PFKFB4: variants seen among roughly 807,000 people sequenced by gnomAD.
PFKFB4 encodes the protein 6-phosphofructo-2-kinase/fructose-2,6-bisphosphatase 4.
In PFKFB4, 42 loss-of-function variants were observed where a neutral mutation model predicts 62.8. The ratio of observed to expected loss-of-function variants is 0.67; its 90% confidence interval spans 0.52 to 0.86. PFKFB4 has a LOEUF of 0.86. Among genes scored for constraint, PFKFB4 ranks in the 40% least tolerant of loss-of-function variants. The probability of loss-of-function intolerance (pLI) is 0.00; values close to 1 mark genes in which losing one functional copy is unlikely to be tolerated. For synonymous variants in PFKFB4, 204 were observed against 240.7 expected, an observed-to-expected ratio of 0.85 and a Z score of 1.41; for missense variants, 475 against 627.2, an observed-to-expected ratio of 0.76 and a Z score of 2.59.
At chr3:48,560,124 G>T (rs2043409990), upstream of PFKFB4, among the ~76,000 whole-genome samples, 1 of 151,946 alleles carries the variant, frequency 6.6e-6, no homozygotes, top group African/African-American at 2.4e-5. Context: ...AGACCCAGGG[G>T]TTTCAGTGCA....
At chr3:48,559,601 C>T (rs553252168), upstream of PFKFB4, 2 of 456,982 alleles carry the variant, frequency 4.4e-6, no homozygotes, top group Admixed American at 2.3e-5. Flanking sequence ...ATCTCTGGCC[C>T]TCATGGCTTT....
chr3:48,542,333 C>CAAAA (rs1229597350), intron 4 of PFKFB4, among the ~76,000 whole-genome samples: 2 of 58,862 alleles, frequency 3.4e-5, no homozygotes. Flanking sequence ...GACTCCATCT[C>CAAAA]AAAAAAAAAA....
chr3:48,540,878 G>A (rs1374164183), intron 4 of PFKFB4, among the ~76,000 whole-genome samples: 3 of 148,904 alleles, frequency 2.0e-5, no homozygotes, highest in East Asian at 2.0e-4. Flanking sequence ...GGGTTCAAGC[G>A]ATTCTCCTGC....
chr3:48,535,575 G>C lies in PFKFB4; in HGVS notation c.924C>G (p.Ile308Met). 2 of 1,614,144 alleles carry C rather than the reference G, an allele frequency of 1.2e-6. No homozygotes were observed. The highest frequency in any genetic ancestry group is 1.7e-6 in the Non-Finnish European group (2 of 1,179,998). The stretch of plus-strand genomic sequence containing the variant: ...GCACACCCAGTGCCTCAGCCGTCTG[G>C]ATTGTCCTCTTCATCTGGCTTGTCC... The part of the protein sequence containing the change: ...KVWTSQMKRT[I>M]QTAEALGVPY... Residue 308 changes from isoleucine (I) to methionine (M), a missense_variant, in exon 9 of 14, where the codon ATC (isoleucine) becomes ATG (methionine). Coordinates refer to ENST00000232375, the MANE Select transcript of PFKFB4 (RefSeq NM_004567.4).
chr3:48,526,937 T>C lies in PFKFB4; in HGVS notation c.988-1268A>G, dbSNP rs557789290. ...GCCTGGGTGACAGAGCGAGACTCCA[T>C]CTCAAAAAAAAAAAAAAAAAGAATG... On this transcript the variant is annotated intron_variant, in intron 9 of 13. Coordinates refer to ENST00000232375, the MANE Select transcript of PFKFB4 (RefSeq NM_004567.4). 5.6e-3 allele frequency among the ~76,000 whole-genome samples: 767 copies of C among 137,904 alleles called. 9 individuals carry two copies. Among genetic ancestry groups the C allele is most frequent in the African/African-American group, 0.019 (709 of 36,814 alleles). 90.5% of individuals were successfully genotyped at this position (137,904 alleles called of 152,430 possible). A position where few individuals can be genotyped will look rare whatever the true frequency, so the allele number is the denominator to read the frequency against.
Position 48,536,390 on chromosome 3 carries a change from T to C in PFKFB4, c.706A>G (p.Ser236Gly). 1 of 1,614,212 alleles carries C rather than the reference T, an allele frequency of 6.2e-7. No homozygotes were observed. ...VVNRVADHIQSRIVYYLMNIH... is the reference protein window; with the variant it reads ...VVNRVADHIQGRIVYYLMNIH... ...TTCATGAGGTAATATACGATGCGGC[T>C]CTGGATGTGGTCAGCCACACGGTTC... The change falls in exon 8 of 14, where the codon AGC becomes GGC. Residue 236 changes from serine to glycine, a missense_variant. Transcript: ENST00000232375.
chr3:48,542,969 C>G (rs2042845366), intron 4 of PFKFB4, among the ~76,000 whole-genome samples: 2 of 152,190 alleles, frequency 1.3e-5, no homozygotes, highest in South Asian at 4.1e-4. Context: ...ACAGGCAGAA[C>G]ATTCAACCCA....
chr3:48,529,606 G>A (rs1406620723), intron 9 of PFKFB4, among the ~76,000 whole-genome samples: 1 of 152,058 alleles, frequency 6.6e-6, no homozygotes, highest in African/African-American at 2.4e-5. Context: ...AGAAATCAGT[G>A]GCTGGATAAC....
At chr3:48,536,104 T>G in intron 8 of PFKFB4, 152 bp downstream of exon 8, 1 of 661,252 alleles carries the variant, frequency 1.5e-6, no homozygotes, top group Non-Finnish European at 2.6e-6. Context: ...CCCTACATGA[T>G]GGGAAGATTC....
rs2043313175 is a variant in PFKFB4 at position 48,556,275 on chromosome 3, G to T, written c.97+406C>A. 2.1e-6 allele frequency: 1 copy of T among 484,706 alleles called. No individual in the cohort carries two copies. The highest frequency in any genetic ancestry group is 1.5e-5 in the South Asian group (1 of 64,782). 30.0% of individuals were successfully genotyped at this position (484,706 alleles called of 1,614,324 possible). A position where few individuals can be genotyped will look rare whatever the true frequency, so the allele number is the denominator to read the frequency against. ...CAAGTAATTCACCTAGGGCCACACAGCTCAGTTCCAGTCCAACAACCCGGC... is the reference window on the plus strand; with the variant it reads ...CAAGTAATTCACCTAGGGCCACACATCTCAGTTCCAGTCCAACAACCCGGC... On this transcript the variant is annotated intron_variant, in intron 1 of 13. Coordinates refer to ENST00000232375, the MANE Select transcript of PFKFB4 (RefSeq NM_004567.4). This position sits in a 1 kb window ranked among gnomAD's most constrained non-coding sequence, Gnocchi z 5.7.
chr3:48,539,613 T>C (rs1487900387), intron 5 of PFKFB4, 84 bp downstream of exon 5: 3 of 1,133,818 alleles, frequency 2.6e-6, no homozygotes, highest in Non-Finnish European at 4.0e-6. Context: ...ATGCCCCTCA[T>C]GCATAAGCAG....
At chr3:48,553,541 C>T (rs1014205383) in intron 1 of PFKFB4, among the ~76,000 whole-genome samples, 3 of 152,210 alleles carry the variant, frequency 2.0e-5, no homozygotes, top group African/African-American at 7.2e-5. Context: ...GACATGTCAG[C>T]CCAACTTCCC....
rs561824678 is a variant in PFKFB4, at chr3:48,545,281, G to A, written c.312-1635C>T. On this transcript the variant is annotated intron_variant, in intron 3 of 13. Coordinates refer to ENST00000232375, the MANE Select transcript of PFKFB4 (RefSeq NM_004567.4). ...CGAGTAGCTGGGATTACAGGCATGT[G>A]CCACCACACCCAGCTAATTTTTTGT... 3.0e-4 allele frequency among the ~76,000 whole-genome samples: 45 copies of A among 152,200 alleles called. No individual in the cohort carries two copies. In the South Asian group the frequency reaches 8.7e-3, roughly 29 times the overall value.
intron 9 of PFKFB4, among the ~76,000 whole-genome samples, chr3:48,531,421 C>T (rs1487961349): frequency 2.0e-5 from 3 of 150,660 alleles, no homozygotes; most frequent in African/African-American, 7.3e-5. Flanking sequence ...CACTTGAACC[C>T]GGGAAGCAGA....
rs1049710401 is a variant in PFKFB4 at position 48,556,654 on chromosome 3, A to C, written c.97+27T>G. 3.1e-6 allele frequency: 4 copies of C among 1,286,702 alleles called. No homozygotes were observed. The highest frequency in any genetic ancestry group is 2.2e-5 in the Admixed American group (1 of 44,636). 79.7% of individuals were successfully genotyped at this position (1,286,702 alleles called of 1,614,324 possible). A position where few individuals can be genotyped will look rare whatever the true frequency, so the allele number is the denominator to read the frequency against. On this transcript the variant is annotated intron_variant, in intron 1 of 13. Transcript: ENST00000232375. The surrounding 1 kb of genome is among the most constrained non-coding windows in gnomAD (Gnocchi z 5.7). ...ACCCACCCATCCCGGTGCACCTCCCACCTCCTCCCAGAGGACCCCGCCTCA... is the reference window on the plus strand; with the variant it reads ...ACCCACCCATCCCGGTGCACCTCCCCCCTCCTCCCAGAGGACCCCGCCTCA...
In PFKFB4 at chr3:48,521,973, A is replaced by T; in HGVS notation, c.1350+13T>A. The T allele has an allele frequency of 6.2e-7, 1 of 1,609,144 alleles. No individual in the cohort carries two copies. The highest frequency in any genetic ancestry group is 1.1e-5 in the South Asian group (1 of 90,968). ...GGAACACCCCGCTACCCCAGCAGTG[A>T]CCCCATTGCTACCTGAGGCCTGTCC... is the stretch of plus-strand genomic sequence containing the variant. On this transcript the variant is annotated intron_variant, in intron 13 of 13. Coordinates refer to ENST00000232375, the MANE Select transcript of PFKFB4 (RefSeq NM_004567.4). The surrounding 1 kb of genome is among the most constrained non-coding windows in gnomAD (Gnocchi z 5.3).
At chr3:48,557,895 A>C (rs1373777789), upstream of PFKFB4, among the ~76,000 whole-genome samples, 1 of 152,156 alleles carries the variant, frequency 6.6e-6, no homozygotes, top group Non-Finnish European at 1.5e-5. Flanking sequence ...GGAGTATCTT[A>C]ATCGTCTTTC....
chr3:48,528,853 C>T (rs1031362411), intron 9 of PFKFB4, among the ~76,000 whole-genome samples: 1 of 151,996 alleles, frequency 6.6e-6, no homozygotes, highest in African/African-American at 2.4e-5. Flanking sequence ...CACGAATAAA[C>T]CTTGAAAACA....
chr3:48,536,346 G>C lies in PFKFB4; in HGVS notation c.750C>G (p.Arg250=). 6.2e-7 allele frequency: 1 copy of C among 1,614,236 alleles called. No homozygotes were observed. ...CCCCGTGCCGGCAGAGGTAGATGGAGCGGGGGGTCACGTGGATGTTCATGA... is the reference window on the plus strand; with the variant it reads ...CCCCGTGCCGGCAGAGGTAGATGGACCGGGGGGTCACGTGGATGTTCATGA... ...YYLMNIHVTP[R]SIYLCRHGES... The change falls in exon 8 of 14, where the codon CGC becomes CGG. Residue 250 remains arginine (R), a synonymous_variant. Transcript: ENST00000232375.
Sources: allele counts gnomAD v4.1 joint callset (sites outside exome capture counted in the v4.1 genomes callset), GRCh38; gene constraint gnomAD v4.1.1; non-coding constraint Gnocchi (gnomAD v3.1); transcripts MANE v1.5; gene names NCBI Gene and HGNC (gene_info 2026-07-23, HGNC 2026-07-21).